DHTKD1: variants seen among roughly 807,000 people sequenced by gnomAD.
DHTKD1 encodes the protein 2-oxoadipate dehydrogenase complex component E1.
In DHTKD1, 78 loss-of-function variants were observed where a neutral mutation model predicts 101.8. The ratio of observed to expected loss-of-function variants is 0.77; its 90% CI spans 0.64 to 0.93. DHTKD1 has a LOEUF of 0.93. DHTKD1 is among the 40% of genes least tolerant of loss of function. DHTKD1 has a pLI of 0.00. For synonymous variants in DHTKD1, 462 were observed against 450.3 expected (o/e 1.03, Z -0.33); for missense variants, 1,223 against 1,161.7 (o/e 1.05, Z -0.77).
At position 12,123,117 on chromosome 10, in the gene DHTKD1, C is replaced by T. The variant is rs568016028; in HGVS notation, c.*2229C>T. On this transcript the variant is annotated 3_prime_UTR_variant, in exon 17 of 17. Coordinates refer to ENST00000263035, the MANE Select transcript of DHTKD1 (RefSeq NM_018706.7). Reference sequence around the variant, plus strand: ...ATAAATCATGTAATTTAGTGCCACTCATGTAAATCAGTAAAATCACAAAGG... The same window carrying T: ...ATAAATCATGTAATTTAGTGCCACTTATGTAAATCAGTAAAATCACAAAGG... 6.6e-6 allele frequency: 1 copy of T among 152,074 alleles called. No homozygotes were observed. Among genetic ancestry groups the T allele is most frequent in the Non-Finnish European group, 1.5e-5 (1 of 68,020 alleles). 9.4% of individuals were successfully genotyped at this position (152,074 alleles called of 1,614,324 possible).
chr10:12,093,524 C>A (rs888732761), intron 6 of DHTKD1, among the ~76,000 whole-genome samples: 5 of 152,132 alleles, frequency 3.3e-5, no homozygotes, highest in African/African-American at 1.2e-4. Context: ...TGTTATTACC[C>A]ATTCCCAGTT....
chr10:12,073,128 G>A (rs1832675970), intron 1 of DHTKD1, among the ~76,000 whole-genome samples: 1 of 151,982 alleles, frequency 6.6e-6, no homozygotes. Flanking sequence ...TTCCTCCTGG[G>A]TTCAAGTGAT....
Position 12,100,274 on chromosome 10 carries a change from C to CTTTTTTTTTCTTTTTT in DHTKD1, c.1756+21_1756+22insCTTTTTTTTTTTTTTT. Reference sequence around the variant, plus strand: ...TTTACTTGCTCAAGGTAAGAATTTTCTTTTTTTTTTCTGTTTTTTTTTTTT... The same window carrying CTTTTTTTTTCTTTTTT: ...TTTACTTGCTCAAGGTAAGAATTTTCTTTTTTTTTCTTTTTTTTTTTTTTTTCTGTTTTTTTTTTTT... On this transcript the variant is annotated intron_variant, in intron 9 of 16. Transcript: ENST00000263035. The CTTTTTTTTTCTTTTTT allele has an allele frequency of 2.8e-6, 1 of 351,668 alleles. No homozygotes were observed. Among genetic ancestry groups the CTTTTTTTTTCTTTTTT allele is most frequent in the Non-Finnish European group, 4.3e-6 (1 of 232,896 alleles). 21.8% of individuals were successfully genotyped at this position (351,668 alleles called of 1,614,324 possible).
rs920695440 is a variant in DHTKD1, at chr10:12,107,286, G to C, written c.2048-623G>C. ...CGGGTGTGAGCCACTGTGCCCGGCC[G>C]GGAGCTGCCCATTCTTGTAAGAGTG... On this transcript the variant is annotated intron_variant, in intron 11 of 16. Transcript: ENST00000263035. This position sits in a 1 kb window ranked among gnomAD's most constrained non-coding sequence, Gnocchi z 4.1. Among the ~76,000 whole-genome samples, 1 of 148,734 alleles carries C rather than the reference G, an allele frequency of 6.7e-6. No homozygotes were observed. Among genetic ancestry groups the C allele is most frequent in the African/African-American group, 2.5e-5 (1 of 40,424 alleles).
intron 10 of DHTKD1, among the ~76,000 whole-genome samples, chr10:12,104,552 C>G (rs1833216908): frequency 6.6e-6 from 1 of 152,106 alleles, no homozygotes; most frequent in South Asian, 2.1e-4. Flanking sequence ...TTGAAAGAAA[C>G]AAAATTACCA....
chr10:12,118,674 A>G (rs945662220), intron 14 of DHTKD1, 75 bp from the exon 15 acceptor site: 109 of 1,298,752 alleles, frequency 8.4e-5, no homozygotes, highest in Middle Eastern at 4.0e-4. Flanking sequence ...GAGCTACTGC[A>G]CCTGGCCTCT....
At chr10:12,077,785 C>G (rs1832756711) in intron 1 of DHTKD1, among the ~76,000 whole-genome samples, 2 of 150,802 alleles carry the variant, frequency 1.3e-5, no homozygotes, top group South Asian at 4.2e-4. Context: ...TAGGGACAGC[C>G]AAGTTCTGAT....
rs958512264 is a variant in DHTKD1, at chr10:12,110,459, C to T, written c.2155-2441C>T. 1.3e-5 allele frequency among the ~76,000 whole-genome samples: 2 copies of T among 151,918 alleles called. No individual in the cohort carries two copies. Among genetic ancestry groups the T allele is most frequent in the Non-Finnish European group, 2.9e-5 (2 of 68,014 alleles). ...GTGTGGCTCAGGTAAGCCAAAAGAT[C>T]GGACACCCCTGATTCCTGATTCTAG... On this transcript the variant is annotated intron_variant, in intron 12 of 16. Coordinates refer to ENST00000263035, the MANE Select transcript of DHTKD1 (RefSeq NM_018706.7). This position sits in a 1 kb window ranked among gnomAD's most constrained non-coding sequence, Gnocchi z 4.9.
At position 12,107,894 on chromosome 10, in the gene DHTKD1, G is replaced by T; in HGVS notation, c.2048-15G>T. 5 of 1,562,838 alleles carry T rather than the reference G, an allele frequency of 3.2e-6. No homozygotes were observed. Among genetic ancestry groups the T allele is most frequent in the Non-Finnish European group, 3.5e-6 (4 of 1,133,612 alleles). The stretch of plus-strand genomic sequence containing the variant: ...GCTTCGTAGAGCTCTTACTCCCCAC[G>T]TGGTACTTTTCCAGGAGAGGCCAAG... On this transcript the variant is annotated splice_polypyrimidine_tract_variant and intron_variant, in intron 11 of 16. Coordinates refer to ENST00000263035, the MANE Select transcript of DHTKD1 (RefSeq NM_018706.7). The surrounding 1 kb of genome is among the most constrained non-coding windows in gnomAD (Gnocchi z 4.1).
At chr10:12,116,801 T>G (rs1410879083) in intron 13 of DHTKD1, among the ~76,000 whole-genome samples, 2 of 151,022 alleles carry the variant, frequency 1.3e-5, no homozygotes, top group Non-Finnish European at 3.0e-5. Flanking sequence ...AGCTCAAACT[T>G]CTAGCCTCCC....
In DHTKD1 at chr10:12,121,265, ACT is replaced by A. The variant is rs1412217697; in HGVS notation, c.*383_*384del. The stretch of plus-strand genomic sequence containing the variant: ...CCATTAAAAGAGGCCTCCTTCCTCC[ACT>A]CTCTCAACCCCTCTGTTGGGTAACA... On this transcript the variant is annotated 3_prime_UTR_variant, in exon 17 of 17. Transcript: ENST00000263035. 1 of 212,374 alleles carries A rather than the reference ACT, an allele frequency of 4.7e-6. No homozygotes were observed. Among genetic ancestry groups the A allele is most frequent in the Non-Finnish European group, 9.6e-6 (1 of 104,218 alleles). 13.2% of individuals were successfully genotyped at this position (212,374 alleles called of 1,614,324 possible). A position where few individuals can be genotyped will look rare whatever the true frequency, so the allele number is the denominator to read the frequency against.
chr10:12,076,682 G>A (rs543422804), intron 1 of DHTKD1, among the ~76,000 whole-genome samples: 2 of 151,744 alleles, frequency 1.3e-5, no homozygotes, highest in African/African-American at 2.4e-5. Context: ...TTCTCGGGAC[G>A]GAGTTTTGCT....
Position 12,107,043 on chromosome 10 carries a change from G to A in DHTKD1, c.2047+647G>A, listed in dbSNP as rs1833260777. ...TCTGTCACCCAGGCTGGAGTGCAGT[G>A]GTGCGATCTCGGCTCACTGCAAGCT... On this transcript the variant is annotated intron_variant, in intron 11 of 16. Transcript: ENST00000263035. The surrounding 1 kb of genome is among the most constrained non-coding windows in gnomAD (Gnocchi z 4.1). Among the ~76,000 whole-genome samples the A allele has an allele frequency of 6.6e-6, 1 of 151,076 alleles. No individual in the cohort carries two copies. The highest frequency in any genetic ancestry group is 6.6e-5 in the Admixed American group (1 of 15,136).
chr10:12,088,904 G>A lies in DHTKD1; in HGVS notation c.718-82G>A, dbSNP rs949876367. On this transcript the variant is annotated intron_variant, in intron 4 of 16. Transcript: ENST00000263035. ...CTGGCTTTAAATTTTCTTTTTTGTTGTATGATTTCAACTCAGCACTTCTTC... is the reference window on the plus strand; with the variant it reads ...CTGGCTTTAAATTTTCTTTTTTGTTATATGATTTCAACTCAGCACTTCTTC... 3 of 1,322,510 alleles carry A rather than the reference G, an allele frequency of 2.3e-6. No individual in the cohort carries two copies. In the African/African-American group the frequency reaches 4.4e-5, roughly 19 times the overall value. The allele number at this position is 1,322,510 out of a possible 1,614,324, so 81.9% of individuals were successfully genotyped here.
chr10:12,121,107 C>T lies in DHTKD1; in HGVS notation c.*219C>T, dbSNP rs185712864. On this transcript the variant is annotated 3_prime_UTR_variant, in exon 17 of 17. Coordinates refer to ENST00000263035, the MANE Select transcript of DHTKD1 (RefSeq NM_018706.7). ...TGGTGGTGGGCACCTGTGATCCCAG[C>T]TTCCTGGGAGGCTGAGGCAAGAGAA... The T allele has an allele frequency of 1.3e-4, 53 of 407,548 alleles. No individual in the cohort carries two copies. Among genetic ancestry groups the T allele is most frequent in the African/African-American group, 1.1e-3 (52 of 48,068 alleles). The allele number at this position is 407,548 out of a possible 1,614,324, so 25.2% of individuals were successfully genotyped here. A position where few individuals can be genotyped will look rare whatever the true frequency, so the allele number is the denominator to read the frequency against.
intron 1 of DHTKD1, among the ~76,000 whole-genome samples, chr10:12,075,025 C>T (rs543794517): frequency 2.0e-5 from 3 of 152,144 alleles, no homozygotes; most frequent in South Asian, 2.1e-4. Flanking sequence ...GCAGGAGAAT[C>T]GCTGGAACCT....
chr10:12,106,502 T>G, intron 11 of DHTKD1, 106 bp downstream of exon 11: 1 of 1,425,996 alleles, frequency 7.0e-7, no homozygotes. Context: ...GAGACTCCCG[T>G]GTGCGGCGGC....
At chr10:12,111,610 A>C (rs979966682) in intron 12 of DHTKD1, among the ~76,000 whole-genome samples, 2 of 152,220 alleles carry the variant, frequency 1.3e-5, no homozygotes, top group Admixed American at 6.6e-5. Flanking sequence ...GCTCTAGTAC[A>C]TGATGGATTA....
intron 1 of DHTKD1, among the ~76,000 whole-genome samples, chr10:12,078,039 A>G (rs931771230): frequency 6.6e-5 from 10 of 152,052 alleles, no homozygotes; most frequent in Non-Finnish European, 1.5e-4. Flanking sequence ...TACATGCCTC[A>G]TGTTCTTTGT....
Sources: allele counts gnomAD v4.1 joint callset (sites outside exome capture counted in the v4.1 genomes callset), GRCh38; gene constraint gnomAD v4.1.1; non-coding constraint Gnocchi (gnomAD v3.1); transcripts MANE v1.5; gene names NCBI Gene and HGNC (gene_info 2026-07-23, HGNC 2026-07-21).